Variants in ERCC8 observed in about 807,000 individuals in gnomAD.
The protein encoded by ERCC8 is DNA excision repair protein ERCC-8.
ERCC8 carries 52 observed loss-of-function variants against 54.9 expected under a neutral mutation model. That is an observed-to-expected ratio of 0.95 (90% CI 0.76 to 1.19). ERCC8 has a LOEUF of 1.19. Among genes scored for constraint, ERCC8 ranks in the 50% most tolerant of loss-of-function variants. The pLI is 0.00. For synonymous variants in ERCC8, 146 were observed against 157.2 expected, an observed-to-expected ratio of 0.93 and a Z score of 0.53; for missense variants, 514 against 466.1, an observed-to-expected ratio of 1.10 and a Z score of -0.95.
At chr5:60,942,095 TTATACAAAAAG>T (rs1750275782) in intron 1 of ERCC8, among the ~76,000 whole-genome samples, 2 of 152,050 alleles carry the variant, frequency 1.3e-5, no homozygotes, top group Non-Finnish European at 2.9e-5. Flanking sequence ...CACTAAAGAA[TTATACAAAAAG>T]ATATAGTCAA....
intron 7 of ERCC8, among the ~76,000 whole-genome samples, chr5:60,901,673 TAGGTGTACCCTCC>T (rs1184618252): frequency 6.6e-6 from 1 of 151,976 alleles, no homozygotes; most frequent in Non-Finnish European, 1.5e-5. Context: ...TGTGCCAAAC[TAGGTGTACCCTCC>T]ACCCTCATCT....
intron 9 of ERCC8, among the ~76,000 whole-genome samples, chr5:60,896,137 C>A (rs1029662480): frequency 6.6e-6 from 1 of 152,094 alleles, no homozygotes; most frequent in South Asian, 2.1e-4. Flanking sequence ...AGGCATGCGC[C>A]ACCATGCCCG....
At chr5:60,882,689 G>A (rs1040966498) in intron 11 of ERCC8, among the ~76,000 whole-genome samples, 19 of 151,974 alleles carry the variant, frequency 1.3e-4, no homozygotes, top group African/African-American at 4.3e-4. Context: ...TCCTGGGCAC[G>A]AAACTATTAT....
chr5:60,889,741 T>C (rs1324519618), intron 10 of ERCC8, among the ~76,000 whole-genome samples: 2 of 152,232 alleles, frequency 1.3e-5, no homozygotes, highest in Non-Finnish European at 2.9e-5. Context: ...GGAGGGACAA[T>C]GTTTTAAGAA....
intron 11 of ERCC8, among the ~76,000 whole-genome samples, chr5:60,877,617 A>T (rs1370792469): frequency 1.3e-5 from 2 of 152,070 alleles, no homozygotes; most frequent in Non-Finnish European, 2.9e-5. Flanking sequence ...ATTCCTAGGT[A>T]TTTTAATCTC....
At chr5:60,928,775 T>C (rs568536256) in intron 2 of ERCC8, 89 bp downstream of exon 2, 5 of 739,024 alleles carry the variant, frequency 6.8e-6, no homozygotes, top group African/African-American at 3.5e-5. Flanking sequence ...TTAATTTTAA[T>C]GAAACTTCTA....
At chr5:60,918,674 G>A (rs1749511722) in intron 3 of ERCC8, 1 of 408,426 alleles carries the variant, frequency 2.4e-6, no homozygotes, top group South Asian at 2.4e-5. Flanking sequence ...CAACTACACT[G>A]GTCTTCTTTC....
In ERCC8 at chr5:60,871,906, T is replaced by C. The variant is rs1423131585; in HGVS notation, c.*2709A>G. ...GCCGTGACTTTACAGGTTCAAGTGATTCCCCAGCCTGAGTCTCCCAAGTAG... is the reference window on the plus strand; with the variant it reads ...GCCGTGACTTTACAGGTTCAAGTGACTCCCCAGCCTGAGTCTCCCAAGTAG... On this transcript the variant is annotated 3_prime_UTR_variant, in exon 12 of 12. Coordinates refer to ENST00000676185, the MANE Select transcript of ERCC8 (RefSeq NM_000082.4). Among the ~76,000 whole-genome samples, 2 of 152,130 alleles carry C rather than the reference T, an allele frequency of 1.3e-5. No individual in the cohort carries two copies. Among genetic ancestry groups the C allele is most frequent in the African/African-American group, 4.8e-5 (2 of 41,422 alleles).
Position 60,876,080 on chromosome 5 carries a change from G to T in ERCC8, c.1123-1397C>A, listed in dbSNP as rs4647139. ...TGTGTGATGTTCCCCTTCCTGTGTC[G>T]AAGTGTTCTTACTGTTCAATTCCCA... On this transcript the variant is annotated intron_variant, in intron 11 of 11. Transcript: ENST00000676185. Among the ~76,000 whole-genome samples the T allele has an allele frequency of 2.6e-4, 39 of 151,078 alleles. 1 individual carries two copies. In the South Asian group the frequency reaches 7.5e-3, roughly 29 times the overall value.
intron 2 of ERCC8, among the ~76,000 whole-genome samples, chr5:60,927,888 C>G (rs1475660268): frequency 1.3e-5 from 2 of 152,126 alleles, no homozygotes; most frequent in Non-Finnish European, 2.9e-5. Flanking sequence ...ATGGTGGAAG[C>G]TGGAAGTAAA....
intron 1 of ERCC8, among the ~76,000 whole-genome samples, chr5:60,929,754 T>G (rs1249139482): frequency 6.6e-6 from 1 of 152,250 alleles, no homozygotes; most frequent in Non-Finnish European, 1.5e-5. Flanking sequence ...TTATTAAGAT[T>G]AAATGAGTTT....
At position 60,866,701 on chromosome 5, in the gene ERCC8, T is replaced by G. The variant is rs1747756030; in HGVS notation, c.*7914A>C. The G allele has an allele frequency of 6.6e-6, 1 of 152,232 alleles. No individual in the cohort carries two copies. The highest frequency in any genetic ancestry group is 2.1e-4 in the South Asian group (1 of 4,828). The allele number at this position is 152,232 out of a possible 1,614,324, so 9.4% of individuals were successfully genotyped here. On this transcript the variant is annotated 3_prime_UTR_variant, in exon 12 of 12. Coordinates refer to ENST00000676185, the MANE Select transcript of ERCC8 (RefSeq NM_000082.4). ...TTTATAATGACACTCTACCTCTGCC[T>G]TCAATGAACTTTAATTATAATTAGT... is the stretch of plus-strand genomic sequence containing the variant.
intron 1 of ERCC8, among the ~76,000 whole-genome samples, chr5:60,943,555 T>G (rs2112554423): frequency 1.3e-5 from 2 of 152,330 alleles, no homozygotes; most frequent in East Asian, 3.9e-4. Context: ...CATGGAGGTT[T>G]GTTATTAATA....
chr5:60,931,433 A>G (rs1749906602), intron 1 of ERCC8, among the ~76,000 whole-genome samples: 2 of 152,070 alleles, frequency 1.3e-5, no homozygotes, highest in Non-Finnish European at 2.9e-5. Context: ...CAGCCTCCCA[A>G]ATAGCTAGGA....
intron 5 of ERCC8, 111 bp downstream of exon 5, chr5:60,904,676 ATATAT>A (rs1749015587): frequency 5.4e-6 from 1 of 186,206 alleles, no homozygotes; most frequent in Admixed American, 7.3e-5. Flanking sequence ...ATATATATAT[ATATAT>A]ATAAAATTGT....
In ERCC8 at chr5:60,869,032, A is replaced by G. The variant is rs1371698324; in HGVS notation, c.*5583T>C. Reference sequence around the variant, plus strand: ...TGATTTTAAGTTTACTGCTTTAGTGATAAGTTTTTTAGTTCGGGCTCAATA... The same window carrying G: ...TGATTTTAAGTTTACTGCTTTAGTGGTAAGTTTTTTAGTTCGGGCTCAATA... On this transcript the variant is annotated 3_prime_UTR_variant, in exon 12 of 12. Coordinates refer to ENST00000676185, the MANE Select transcript of ERCC8 (RefSeq NM_000082.4). Among the ~76,000 whole-genome samples, 1 of 152,188 alleles carries G rather than the reference A, an allele frequency of 6.6e-6. No homozygotes were observed. The highest frequency in any genetic ancestry group is 1.5e-5 in the Non-Finnish European group (1 of 68,038).
At chr5:60,896,826 G>T (rs562439309) in intron 9 of ERCC8, among the ~76,000 whole-genome samples, 1 of 152,248 alleles carries the variant, frequency 6.6e-6, no homozygotes, top group East Asian at 1.9e-4. Context: ...AGAACCACAT[G>T]AACAATTTAT....
intron 11 of ERCC8, among the ~76,000 whole-genome samples, chr5:60,884,471 T>G (rs796480290): frequency 2.5e-5 from 2 of 81,050 alleles, no homozygotes; most frequent in East Asian, 8.7e-4. Flanking sequence ...GCCAGACTCC[T>G]TCTCAAAAAA....
intron 9 of ERCC8, among the ~76,000 whole-genome samples, chr5:60,896,144 C>A (rs1161567133): frequency 1.3e-5 from 2 of 151,742 alleles, no homozygotes; most frequent in African/African-American, 4.8e-5. Context: ...CGCCACCATG[C>A]CCGGCTAATT....
Sources: allele counts gnomAD v4.1 joint callset (sites outside exome capture counted in the v4.1 genomes callset), GRCh38; gene constraint gnomAD v4.1.1; transcripts MANE v1.5; gene names NCBI Gene and HGNC (gene_info 2026-07-23, HGNC 2026-07-21).